The following ZNF763 variants were observed in gnomAD, a reference collection of about 807,000 sequenced individuals.
ZNF763 encodes the protein zinc finger protein 763.
ZNF763 carries 33 observed loss-of-function variants against 38.0 expected under a neutral mutation model. The ratio of observed to expected loss-of-function variants is 0.87; its 90% CI spans 0.66 to 1.16. ZNF763 has a LOEUF of 1.16. Among genes scored for constraint, ZNF763 ranks in the 50% most tolerant of loss-of-function variants. ZNF763 has a pLI of 0.00. For missense variants in ZNF763, 423 were observed against 469.1 expected (o/e 0.90, Z 0.91); for synonymous variants, 155 against 160.1 (o/e 0.97, Z 0.24).
intron 3 of ZNF763, among the ~76,000 whole-genome samples, chr19:11,977,837 A>G (rs1325475933): frequency 6.6e-6 from 1 of 152,224 alleles, no homozygotes; most frequent in African/African-American, 2.4e-5. Flanking sequence ...CAGGATGGTC[A>G]CAGGATGAGA....
intron 1 of ZNF763, among the ~76,000 whole-genome samples, chr19:11,967,877 C>T (rs541876359): frequency 2.6e-5 from 4 of 152,252 alleles, no homozygotes; most frequent in South Asian, 2.1e-4. Flanking sequence ...GGGCTGACAG[C>T]GTCACAAAAT....
rs1264899410 is a variant in ZNF763, at chr19:11,980,077, A to T, written c.*968A>T. ...GAGAGAAACCCTATGAGTGTAAGCA[A>T]TGTGGAAAAACCTTCAGATCTACCT... On this transcript the variant is annotated 3_prime_UTR_variant, in exon 4 of 4. Coordinates refer to ENST00000358987, the MANE Select transcript of ZNF763 (RefSeq NM_001367172.2). 1.2e-5 allele frequency: 13 copies of T among 1,049,808 alleles called. No homozygotes were observed. The highest frequency in any genetic ancestry group is 1.2e-4 in the East Asian group (4 of 34,272). 65.0% of individuals were successfully genotyped at this position (1,049,808 alleles called of 1,614,324 possible). A position where few individuals can be genotyped will look rare whatever the true frequency, so the allele number is the denominator to read the frequency against.
Position 11,979,517 on chromosome 19 carries a change from A to G in ZNF763, c.*408A>G. On this transcript the variant is annotated 3_prime_UTR_variant, in exon 4 of 4. Coordinates refer to ENST00000358987, the MANE Select transcript of ZNF763 (RefSeq NM_001367172.2). Reference sequence around the variant, plus strand: ...TCCCACGTCATTTCAAAGACATGAAAAAACTCACACTGCAGAGAAACCCTA... The same window carrying G: ...TCCCACGTCATTTCAAAGACATGAAGAAACTCACACTGCAGAGAAACCCTA... 1.9e-6 allele frequency: 3 copies of G among 1,603,012 alleles called. No homozygotes were observed. Among genetic ancestry groups the G allele is most frequent in the South Asian group, 1.1e-5 (1 of 90,706 alleles).
rs772359385 is a variant in ZNF763, at chr19:11,978,346, C to T, written c.422C>T (p.Pro141Leu). The change falls in exon 4 of 4, where the codon CCA becomes CTA. Residue 141 changes from proline (P) to leucine (L), a missense_variant. Coordinates refer to ENST00000358987, the MANE Select transcript of ZNF763 (RefSeq NM_001367172.2). ...HKAYEYQDYAPKPYKCQQPKK... is the reference protein window; with the variant it reads ...HKAYEYQDYALKPYKCQQPKK... The stretch of plus-strand genomic sequence containing the variant: ...GCATACGAGTATCAGGACTATGCAC[C>T]AAAGCCATATAAGTGTCAACAACCT... 3.1e-6 allele frequency: 5 copies of T among 1,614,096 alleles called. No individual in the cohort carries two copies. The highest frequency in any genetic ancestry group is 1.7e-5 in the Admixed American group (1 of 60,008).
At chr19:11,974,117 CTTTCTTTCTTT>C (rs1973420448) in intron 1 of ZNF763, among the ~76,000 whole-genome samples, 1 of 79,636 alleles carries the variant, frequency 1.3e-5, no homozygotes, top group South Asian at 4.5e-4. Context: ...TTCTTTCTTT[CTTTCTTTCTTT>C]TCTTTCTTTC....
chr19:11,968,674 G>A (rs1973289006), intron 1 of ZNF763, among the ~76,000 whole-genome samples: 1 of 152,130 alleles, frequency 6.6e-6, no homozygotes, highest in Non-Finnish European at 1.5e-5. Flanking sequence ...TGATAGCCAT[G>A]GAGTCTTTGT....
At chr19:11,968,256 A>AT (rs112456346) in intron 1 of ZNF763, among the ~76,000 whole-genome samples, 13 of 149,446 alleles carry the variant, frequency 8.7e-5, no homozygotes, top group South Asian at 2.1e-4. Flanking sequence ...CAATAATTTA[A>AT]TTTTTTTTTT....
intron 1 of ZNF763, among the ~76,000 whole-genome samples, chr19:11,972,660 C>A (rs1179451396): frequency 6.6e-6 from 1 of 152,188 alleles, no homozygotes; most frequent in Non-Finnish European, 1.5e-5. Flanking sequence ...ATGAACCTTA[C>A]ATGGAATGAT....
At chr19:11,969,438 A>G (rs1443970446) in intron 1 of ZNF763, among the ~76,000 whole-genome samples, 5 of 151,904 alleles carry the variant, frequency 3.3e-5, no homozygotes, top group Admixed American at 3.3e-4. Context: ...ATATAGGTAG[A>G]AAATTTCTAG....
At chr19:11,976,586 G>A (rs1318566534) in intron 1 of ZNF763, among the ~76,000 whole-genome samples, 1 of 147,952 alleles carries the variant, frequency 6.8e-6, no homozygotes, top group Non-Finnish European at 1.5e-5. Flanking sequence ...AAAATTGCTG[G>A]CCAGGTGTGG....
intron 1 of ZNF763, among the ~76,000 whole-genome samples, chr19:11,967,022 A>G (rs964087372): frequency 3.9e-5 from 6 of 152,148 alleles, no homozygotes; most frequent in Non-Finnish European, 5.9e-5. Context: ...CGCAATGTAC[A>G]GTGTGTAGAG....
chr19:11,974,057 TTTCCTTC>T (rs1210520287), intron 1 of ZNF763, among the ~76,000 whole-genome samples: 13 of 148,548 alleles, frequency 8.8e-5, no homozygotes, highest in African/African-American at 3.4e-4. Context: ...TCTTTCTTTC[TTTCCTTC>T]TTTCTTTTCT....
chr19:11,980,214 C>A lies in ZNF763; in HGVS notation c.*1105C>A. The A allele has an allele frequency of 2.4e-6, 1 of 423,096 alleles. No individual in the cohort carries two copies. Among genetic ancestry groups the A allele is most frequent in the Non-Finnish European group, 4.2e-6 (1 of 236,146 alleles). The allele number at this position is 423,096 out of a possible 1,614,324, so 26.2% of individuals were successfully genotyped here. A position where few individuals can be genotyped will look rare whatever the true frequency, so the allele number is the denominator to read the frequency against. ...GATCAATATGATGAAACCCCTGTCT[C>A]TACTAAAACTACAAAAATTGGCCAG... is the stretch of plus-strand genomic sequence containing the variant. On this transcript the variant is annotated 3_prime_UTR_variant, in exon 4 of 4. Transcript: ENST00000358987.
chr19:11,979,456 T>G lies in ZNF763; in HGVS notation c.*347T>G. ...TAAGAATACACTCTGGAGAAAGACCTTATAAATGTAAGACATGTGGGAAAG... is the reference window on the plus strand; with the variant it reads ...TAAGAATACACTCTGGAGAAAGACCGTATAAATGTAAGACATGTGGGAAAG... On this transcript the variant is annotated 3_prime_UTR_variant, in exon 4 of 4. Coordinates refer to ENST00000358987, the MANE Select transcript of ZNF763 (RefSeq NM_001367172.2). The G allele has an allele frequency of 6.2e-7, 1 of 1,605,220 alleles. No individual in the cohort carries two copies. The highest frequency in any genetic ancestry group is 1.1e-5 in the South Asian group (1 of 90,860).
At chr19:11,968,460 T>G (rs1973283995) in intron 1 of ZNF763, among the ~76,000 whole-genome samples, 2 of 152,164 alleles carry the variant, frequency 1.3e-5, no homozygotes, top group South Asian at 4.1e-4. Context: ...CAGGCTGGTC[T>G]CTTGCTCCTG....
Position 11,978,568 on chromosome 19 carries a change from A to G in ZNF763, c.644A>G (p.Tyr215Cys), listed in dbSNP as rs1248533857. Residue 215 changes from tyrosine (Y) to cysteine (C), a missense_variant, in exon 4 of 4, where the codon TAT becomes TGT. Transcript: ENST00000358987. The stretch of plus-strand genomic sequence containing the variant: ...AAAGCTGTCCATTGTCTCAGATTAT[A>G]TCTTATCCATGAAAGAACTCACACT... ...CGKAVHCLRL[Y>C]LIHERTHTGE... 7.4e-6 allele frequency: 12 copies of G among 1,614,210 alleles called. No homozygotes were observed. Among genetic ancestry groups the G allele is most frequent in the South Asian group, 1.1e-5 (1 of 91,084 alleles).
chr19:11,974,077 CTT>C (rs1341539345), intron 1 of ZNF763, among the ~76,000 whole-genome samples: 3 of 67,368 alleles, frequency 4.5e-5, no homozygotes, highest in East Asian at 5.5e-4. Flanking sequence ...TCTTTTCTTT[CTT>C]TCTTTCTTTC....
At chr19:11,968,801 C>T (rs1973292609) in intron 1 of ZNF763, among the ~76,000 whole-genome samples, 1 of 152,080 alleles carries the variant, frequency 6.6e-6, no homozygotes, top group Non-Finnish European at 1.5e-5. Flanking sequence ...AGGTGGATGG[C>T]TTGATCTCAG....
intron 1 of ZNF763, among the ~76,000 whole-genome samples, chr19:11,967,057 C>T (rs1351751636): frequency 1.3e-5 from 2 of 152,130 alleles, no homozygotes; most frequent in Non-Finnish European, 2.9e-5. Flanking sequence ...TACTCTGGGC[C>T]AGCATGATGG....
Sources: allele counts gnomAD v4.1 joint callset (sites outside exome capture counted in the v4.1 genomes callset), GRCh38; gene constraint gnomAD v4.1.1; transcripts MANE v1.5; gene names NCBI Gene and HGNC (gene_info 2026-07-23, HGNC 2026-07-21).